ANK2: variants seen among roughly 807,000 people sequenced by gnomAD.
The protein encoded by ANK2 is ankyrin 2.
ANK2 carries 83 observed loss-of-function variants against 360.5 expected under a neutral mutation model. The ratio of observed to expected loss-of-function variants is 0.23; its 90% CI spans 0.19 to 0.28. The LOEUF is 0.28. Among genes scored for constraint, ANK2 ranks in the 10% least tolerant of loss-of-function variants. The pLI, the probability that ANK2 is intolerant of heterozygous loss-of-function variation, is 1.00. For synonymous variants in ANK2, 1,740 were observed against 1,759.5 expected (o/e 0.99, Z 0.28); for missense variants, 4,201 against 4,795.7 (o/e 0.88, Z 3.66).
intron 23 of ANK2, among the ~76,000 whole-genome samples, chr4:113,303,325 T>C (rs2075830710): frequency 6.6e-6 from 1 of 152,186 alleles, no homozygotes; most frequent in African/African-American, 2.4e-5. Flanking sequence ...AGAAGAGCCT[T>C]ATAGAAGGTT....
At chr4:113,152,065 C>CAAAAAAAAAA (rs1232657248) in intron 1 of ANK2, among the ~76,000 whole-genome samples, 9 of 62,256 alleles carry the variant, frequency 1.4e-4, no homozygotes, top group African/African-American at 2.8e-4. Flanking sequence ...GTCTCTGTCT[C>CAAAAAAAAAA]AAAAAAAAAA....
At chr4:112,710,341 C>T in the ANK2 span, among the ~76,000 whole-genome samples, 1 of 152,156 alleles carries the variant, frequency 6.6e-6, no homozygotes, top group East Asian at 1.9e-4. Context: ...TTGAGTTACT[C>T]GGATTTAACT....
upstream of ANK2, among the ~76,000 whole-genome samples, chr4:112,814,931 G>C (rs2055530724): frequency 6.6e-6 from 1 of 152,102 alleles, no homozygotes; most frequent in Non-Finnish European, 1.5e-5. Flanking sequence ...GTAGGTACCT[G>C]AACAGTGCTA....
chr4:112,796,474 A>ACG, the ANK2 span, among the ~76,000 whole-genome samples: 1 of 145,986 alleles, frequency 6.8e-6, no homozygotes, highest in Non-Finnish European at 1.5e-5. Context: ...ATACACACAC[A>ACG]CACACATACA....
chr4:113,083,199 G>A (rs539639974), intron 1 of ANK2, among the ~76,000 whole-genome samples: 16 of 152,082 alleles, frequency 1.1e-4, no homozygotes, highest in African/African-American at 3.6e-4. Context: ...TATTTTGAGA[G>A]ACAGTGTCTC....
intron 1 of ANK2, among the ~76,000 whole-genome samples, chr4:113,140,004 G>A (rs1232885883): frequency 6.6e-6 from 1 of 152,110 alleles, no homozygotes; most frequent in Admixed American, 6.6e-5. Flanking sequence ...TCCATATAGG[G>A]AATTTAGTGT....
chr4:113,086,493 G>A (rs183296031), intron 1 of ANK2, among the ~76,000 whole-genome samples: 101 of 152,298 alleles, frequency 6.6e-4, no homozygotes, highest in African/African-American at 2.4e-3. Flanking sequence ...GGCAGGCCCT[G>A]TTCTAGGGCT....
chr4:113,163,594 A>G (rs540569913), intron 1 of ANK2, among the ~76,000 whole-genome samples: 63 of 151,516 alleles, frequency 4.2e-4, no homozygotes, highest in East Asian at 2.5e-3. Flanking sequence ...GAGAAACCCC[A>G]TCTCTACTAA....
intron 1 of ANK2, among the ~76,000 whole-genome samples, chr4:112,896,948 G>C (rs1302918189): frequency 6.6e-6 from 1 of 152,138 alleles, no homozygotes; most frequent in African/African-American, 2.4e-5. Flanking sequence ...CGCCAATAAA[G>C]TGAAGCCTCT....
intron 1 of ANK2, among the ~76,000 whole-genome samples, chr4:113,149,574 T>C (rs2096959647): frequency 6.6e-6 from 1 of 152,112 alleles, no homozygotes; most frequent in Non-Finnish European, 1.5e-5. Flanking sequence ...AACTTTTAGA[T>C]GATTTATTTA....
intron 13 of ANK2, among the ~76,000 whole-genome samples, 156 bp from the exon 14 acceptor site, chr4:113,264,741 C>G (rs1216441123): frequency 6.7e-6 from 1 of 150,050 alleles, no homozygotes; most frequent in Admixed American, 6.6e-5. Context: ...AAAAAAGATA[C>G]AAATCTATAT....
Position 113,354,081 on chromosome 4 carries a change from G to A in ANK2, c.5463G>A (p.Gly1821=), listed in dbSNP as rs758361128. 3.7e-6 allele frequency: 6 copies of A among 1,614,000 alleles called. No individual in the cohort carries two copies. Among genetic ancestry groups the A allele is most frequent in the Non-Finnish European group, 5.1e-6 (6 of 1,179,970 alleles). ...PSLKSERHAP[G]SPSPKTERHS... ...TGAAGTCAGAGAGACATGCGCCAGG[G>A]TCTCCCTCCCCTAAAACAGAAAGAC... The change falls in exon 38 of 46, where the codon GGG becomes GGA. Residue 1821 remains glycine, a synonymous_variant. Coordinates refer to ENST00000357077, the MANE Select transcript of ANK2 (RefSeq NM_001148.6).
At chr4:112,726,634 A>G in the ANK2 span, among the ~76,000 whole-genome samples, 1 of 152,048 alleles carries the variant, frequency 6.6e-6, no homozygotes, top group Non-Finnish European at 1.5e-5. Context: ...GGCAGATCAC[A>G]AGGTCAGGAG....
chr4:112,877,914 A>G (rs1371929770), intron 1 of ANK2, among the ~76,000 whole-genome samples: 1 of 152,200 alleles, frequency 6.6e-6, no homozygotes, highest in South Asian at 2.1e-4. Flanking sequence ...ATCTTCCCAT[A>G]TATTTCTATC....
In ANK2 at chr4:113,353,704, C is replaced by G; in HGVS notation, c.5086C>G (p.Pro1696Ala). The change falls in exon 38 of 46, where the codon CCA becomes GCA. Residue 1696 changes from proline (P) to alanine (A), a missense_variant. Around this residue, in one of 4 missense-constraint regions of ANK2, gnomAD observed 2,642 missense variants for 2,714.5 expected, o/e 0.97. Transcript: ENST00000357077. ...ACAGAGTACACAGAAACAGCACAAACCAAGCTTGGGAATAAAGAAGCCAGT... is the reference window on the plus strand; with the variant it reads ...ACAGAGTACACAGAAACAGCACAAAGCAAGCTTGGGAATAAAGAAGCCAGT... ...ETQSTQKQHK[P>A]SLGIKKPVRR... 2 of 1,613,678 alleles carry G rather than the reference C, an allele frequency of 1.2e-6. No individual in the cohort carries two copies. The highest frequency in any genetic ancestry group is 1.7e-6 in the Non-Finnish European group (2 of 1,179,920).
At chr4:112,981,230 G>A (rs897103695) in intron 2 of ANK2, among the ~76,000 whole-genome samples, 3 of 152,246 alleles carry the variant, frequency 2.0e-5, no homozygotes, top group African/African-American at 7.2e-5. Context: ...AGTTGGACAA[G>A]TAATTTGGGT....
In ANK2 at chr4:113,136,467, A is replaced by G. The variant is rs116700987; in HGVS notation, c.85-37949A>G. ...TCCCAGCACTTGGGAGGAATGCTTG[A>G]GTCCAGGAGTTTGAGACCATCCTGG... On this transcript the variant is annotated intron_variant, in intron 1 of 45. Transcript: ENST00000357077. Among the ~76,000 whole-genome samples the G allele has an allele frequency of 7.7e-3, 1,167 of 152,300 alleles. 9 individuals are homozygous for G. The highest frequency in any genetic ancestry group is 0.012 in the Non-Finnish European group (833 of 68,014).
chr4:113,196,080 C>T (rs1174309366), intron 2 of ANK2, among the ~76,000 whole-genome samples: 2 of 152,076 alleles, frequency 1.3e-5, no homozygotes, highest in Admixed American at 6.6e-5. Context: ...TAAAATTGTT[C>T]TCTTTAAGTC....
At chr4:112,968,623 G>A (rs1039465176) in intron 2 of ANK2, among the ~76,000 whole-genome samples, 4 of 151,592 alleles carry the variant, frequency 2.6e-5, no homozygotes, top group African/African-American at 9.7e-5. Flanking sequence ...TTCCCACATT[G>A]TGACTGCTGT....
Sources: gnomAD v4.1 joint callset for allele counts (sites outside exome capture counted in the v4.1 genomes callset) on GRCh38, gnomAD v4.1.1 for gene constraint, gnomAD v4.1.1 regional missense constraint, MANE v1.5 for transcripts, NCBI Gene and HGNC (gene_info 2026-07-23, HGNC 2026-07-21) for gene names.